The following PGBD2 variants were observed in gnomAD, a reference collection of about 807,000 sequenced individuals.
PGBD2 encodes piggyBac transposable element derived 2, also known as piggyBac transposable element-derived protein 2.
In PGBD2, 6 loss-of-function variants were observed where a neutral mutation model predicts 8.1. That is an observed-to-expected ratio of 0.74 (90% CI 0.40 to 1.46). The LOEUF (loss-of-function observed/expected upper bound fraction) is 1.46, where lower values mean the gene tolerates loss of function less well. Among genes scored for constraint, PGBD2 ranks in the 40% most tolerant of loss-of-function variants. The pLI, the probability that PGBD2 is intolerant of heterozygous loss-of-function variation, is 0.02. For missense variants in PGBD2, 802 were observed against 739.0 expected (o/e 1.09, Z -0.99); for synonymous variants, 318 against 272.2 (o/e 1.17, Z -1.66).
chr1:248,881,579 A>G, the PGBD2 span, among the ~76,000 whole-genome samples: 2 of 152,236 alleles, frequency 1.3e-5, no homozygotes, highest in Non-Finnish European at 1.5e-5. Context: ...ATTATGATTA[A>G]TGATCTTATT....
chr1:248,873,218 G>A, the PGBD2 span, among the ~76,000 whole-genome samples: 1 of 151,936 alleles, frequency 6.6e-6, no homozygotes, highest in Non-Finnish European at 1.5e-5. Flanking sequence ...TGCGAGTCCC[G>A]GGCCTTCCCA....
In PGBD2 at chr1:248,917,072, G is replaced by C; in HGVS notation, c.488G>C (p.Arg163Pro). 1 of 1,613,756 alleles carries C rather than the reference G, an allele frequency of 6.2e-7. No homozygotes were observed. Among genetic ancestry groups the C allele is most frequent in the South Asian group, 1.1e-5 (1 of 90,988 alleles). The change falls in exon 3 of 3, where the codon CGT becomes CCT. Residue 163 changes from arginine (R) to proline (P), a missense_variant. Arg to Pro is a moderately radical substitution (Grantham distance 103). Transcript: ENST00000329291. ...TINFIVNETNRYAWQKNVNLS... is the reference protein window; with the variant it reads ...TINFIVNETNPYAWQKNVNLS... ...AATTTCATTGTTAATGAAACCAATC[G>C]TTATGCTTGGCAGAAAAATGTCAAT...
At chr1:248,884,347 G>GT in the PGBD2 span, among the ~76,000 whole-genome samples, 1,105 of 147,386 alleles carry the variant, frequency 7.5e-3, 6 homozygotes, top group Non-Finnish European at 0.012. Context: ...TTTTGTTTGT[G>GT]TTTTTTTTTT....
chr1:248,878,864 A>G, the PGBD2 span, among the ~76,000 whole-genome samples: 1 of 152,102 alleles, frequency 6.6e-6, no homozygotes, highest in South Asian at 2.1e-4. Flanking sequence ...CAGTCTCTGT[A>G]TATGTATCCA....
At chr1:248,885,418 G>C in the PGBD2 span, among the ~76,000 whole-genome samples, 1 of 151,740 alleles carries the variant, frequency 6.6e-6, no homozygotes, top group Non-Finnish European at 1.5e-5. Context: ...TAGGACTACA[G>C]GTGTGTGACC....
chr1:248,887,806 A>G, the PGBD2 span, among the ~76,000 whole-genome samples: 1 of 152,190 alleles, frequency 6.6e-6, no homozygotes, highest in African/African-American at 2.4e-5. Flanking sequence ...AACCTAACAC[A>G]AGGGCAGATT....
chr1:248,893,755 C>A, the PGBD2 span, among the ~76,000 whole-genome samples: 1 of 152,174 alleles, frequency 6.6e-6, no homozygotes, highest in Non-Finnish European at 1.5e-5. Flanking sequence ...TACATACCCA[C>A]AAGTGTTATT....
At chr1:248,876,721 T>C in the PGBD2 span, among the ~76,000 whole-genome samples, 2 of 152,220 alleles carry the variant, frequency 1.3e-5, no homozygotes, top group African/African-American at 4.8e-5. Context: ...TTTTAGTTCC[T>C]AGTGTTTCCC....
downstream of PGBD2, among the ~76,000 whole-genome samples, chr1:248,921,517 A>G (rs556544170): frequency 4.5e-4 from 68 of 152,344 alleles, no homozygotes; most frequent in African/African-American, 1.4e-3. Context: ...TACCAGTACC[A>G]TGCTGTTTTG....
At chr1:248,898,498 C>A in the PGBD2 span, among the ~76,000 whole-genome samples, 1 of 152,192 alleles carries the variant, frequency 6.6e-6, no homozygotes, top group African/African-American at 2.4e-5. Flanking sequence ...ATTTCATATC[C>A]AGCCACACTA....
the PGBD2 span, among the ~76,000 whole-genome samples, chr1:248,883,704 C>A: frequency 1.1e-4 from 16 of 144,910 alleles, no homozygotes; most frequent in Non-Finnish European, 1.6e-4. Context: ...TCGAGTGATT[C>A]TCCTGCCTCA....
At chr1:248,929,768 G>C in the PGBD2 span, among the ~76,000 whole-genome samples, 1 of 152,228 alleles carries the variant, frequency 6.6e-6, no homozygotes, top group East Asian at 1.9e-4. Flanking sequence ...ACTGATGACA[G>C]AATGAAAGGT....
At chr1:248,912,769 T>C (rs1230131884) in intron 1 of PGBD2, 1 of 152,028 alleles carries the variant, frequency 6.6e-6, no homozygotes, top group Non-Finnish European at 1.5e-5. Flanking sequence ...GGTCCAATTT[T>C]AGTATATGTG....
At chr1:248,884,392 G>A in the PGBD2 span, among the ~76,000 whole-genome samples, 1 of 151,946 alleles carries the variant, frequency 6.6e-6, no homozygotes, top group Admixed American at 6.6e-5. Context: ...CCAGGCTGGA[G>A]TGCAGTGGCG....
chr1:248,906,648 A>G (rs1230983075), intron 1 of PGBD2, among the ~76,000 whole-genome samples: 10 of 72,792 alleles, frequency 1.4e-4, no homozygotes, highest in African/African-American at 4.9e-4. Flanking sequence ...GGTGGGAGGG[A>G]CCAGGGCAGG....
At chr1:248,875,478 G>T in the PGBD2 span, among the ~76,000 whole-genome samples, 1 of 151,912 alleles carries the variant, frequency 6.6e-6, no homozygotes, top group East Asian at 1.9e-4. Flanking sequence ...TCCCCAATTG[G>T]CCTTAAAATG....
the PGBD2 span, among the ~76,000 whole-genome samples, chr1:248,898,015 C>T: frequency 6.6e-6 from 1 of 151,680 alleles, no homozygotes; most frequent in South Asian, 2.1e-4. Flanking sequence ...TTCCTCCTCA[C>T]TGGGTGGGGC....
At chr1:248,892,298 C>CCTT in the PGBD2 span, among the ~76,000 whole-genome samples, 1 of 115,428 alleles carries the variant, frequency 8.7e-6, no homozygotes, top group Non-Finnish European at 1.7e-5. Context: ...TTCCTTCCTT[C>CCTT]CCTTCCTTCC....
chr1:248,920,749 C>T (rs891778858), downstream of PGBD2, among the ~76,000 whole-genome samples: 10 of 152,210 alleles, frequency 6.6e-5, no homozygotes, highest in South Asian at 2.1e-4. Flanking sequence ...AACTAATTTA[C>T]GGTCCCACTA....
Sources: gnomAD v4.1 joint callset for allele counts (sites outside exome capture counted in the v4.1 genomes callset) on GRCh38, gnomAD v4.1.1 for gene constraint, MANE v1.5 for transcripts, NCBI Gene and HGNC (gene_info 2026-07-23, HGNC 2026-07-21) for gene names.